DIP2A: variants seen among roughly 807,000 people sequenced by gnomAD.
DIP2A encodes the protein disco-interacting protein 2 homolog A.
Under a neutral mutation model 177.4 loss-of-function variants are expected in DIP2A, and 85 were observed. The observed-to-expected ratio is 0.48, with a 90% CI of 0.40 to 0.57. DIP2A has a LOEUF of 0.57. Among genes scored for constraint, DIP2A ranks in the 20% least tolerant of loss-of-function variants. DIP2A has a pLI of 0.00. For missense variants in DIP2A, 1,791 were observed against 2,100.2 expected, an observed-to-expected ratio of 0.85 and a Z score of 2.88; for synonymous variants, 886 against 881.8, an observed-to-expected ratio of 1.00 and a Z score of -0.08.
intron 7 of DIP2A, among the ~76,000 whole-genome samples, chr21:46,509,928 G>A (rs2058223695): frequency 6.6e-6 from 1 of 152,124 alleles, no homozygotes; most frequent in South Asian, 2.1e-4. Context: ...GCTGACAGCC[G>A]ACCAGCCCAG....
Position 46,557,454 on chromosome 21 carries a change from C to T in DIP2A, c.3630-131C>T, listed in dbSNP as rs537119623. 3.4e-6 allele frequency: 4 copies of T among 1,167,782 alleles called. No individual in the cohort carries two copies. The highest frequency in any genetic ancestry group is 3.1e-5 in the African/African-American group (2 of 64,986). The allele number at this position is 1,167,782 out of a possible 1,614,324, so 72.3% of individuals were successfully genotyped here. On this transcript the variant is annotated intron_variant, in intron 30 of 37. Transcript: ENST00000417564. The surrounding 1 kb of genome is among the most constrained non-coding windows in gnomAD (Gnocchi z 6.0). ...TGTGGCATGTTTTCCACCAAACCCC[C>T]CCACTTGGCGTCAGAACAGAAATCA...
At chr21:46,509,194 C>G in intron 6 of DIP2A, 63 bp from the exon 7 acceptor site, 3 of 1,532,740 alleles carry the variant, frequency 2.0e-6, no homozygotes, top group Non-Finnish European at 2.6e-6. Context: ...TTGGACCTTA[C>G]ACCTGTGTCC....
At chr21:46,572,531 A>G (rs186496540), downstream of DIP2A, among the ~76,000 whole-genome samples, 1 of 152,294 alleles carries the variant, frequency 6.6e-6, no homozygotes, top group African/African-American at 2.4e-5. Flanking sequence ...GGATTGATAG[A>G]TTAATGGATT....
At chr21:46,575,012 G>A (rs898836592), downstream of DIP2A, among the ~76,000 whole-genome samples, 1 of 152,086 alleles carries the variant, frequency 6.6e-6, no homozygotes, top group African/African-American at 2.4e-5. Flanking sequence ...TCTGAACATT[G>A]ATGTAAAAAT....
At chr21:46,536,483 TCACG>T (rs2059576444) in intron 13 of DIP2A, among the ~76,000 whole-genome samples, 1 of 152,224 alleles carries the variant, frequency 6.6e-6, no homozygotes, top group Admixed American at 6.5e-5. Context: ...AGATGCCGGA[TCACG>T]GCCTCTGGGT....
chr21:46,545,055 C>T, intron 18 of DIP2A, 82 bp from the exon 19 acceptor site: 1 of 1,397,520 alleles, frequency 7.2e-7, no homozygotes, highest in Non-Finnish European at 9.7e-7. Context: ...TCCATAACCG[C>T]ACATACAGCA....
chr21:46,544,815 C>T (rs919086954), intron 18 of DIP2A, among the ~76,000 whole-genome samples: 7 of 152,138 alleles, frequency 4.6e-5, no homozygotes, highest in Non-Finnish European at 8.8e-5. Flanking sequence ...CATGTGGACC[C>T]GAGAGGGCAG....
In DIP2A at chr21:46,509,265, G is replaced by A; in HGVS notation, c.793G>A (p.Val265Met). 1 of 1,612,968 alleles carries A rather than the reference G, an allele frequency of 6.2e-7. No individual in the cohort carries two copies. The highest frequency in any genetic ancestry group is 8.5e-7 in the Non-Finnish European group (1 of 1,179,486). The change falls in exon 7 of 38, where the codon GTG becomes ATG. Residue 265 changes from valine to methionine, a missense_variant. Physicochemically the swap from Val to Met is conservative, Grantham distance 21. Transcript: ENST00000417564. ...SMLETADGVP[V>M]NSRVSSKIQQ... The stretch of plus-strand genomic sequence containing the variant: ...TGTCCTTCCCGTGACAGGTGTCCCT[G>A]TGAACAGCAGAGTGTCCTCCAAAAT...
At chr21:46,499,782 T>G (rs1441340806) in intron 5 of DIP2A, among the ~76,000 whole-genome samples, 2 of 152,174 alleles carry the variant, frequency 1.3e-5, no homozygotes, top group African/African-American at 4.8e-5. Flanking sequence ...TGTTGAAGAC[T>G]CATCTTAATC....
At chr21:46,504,217 A>C in intron 5 of DIP2A, 144 bp from the exon 6 acceptor site, 1 of 1,198,706 alleles carries the variant, frequency 8.3e-7, no homozygotes, top group Non-Finnish European at 1.2e-6. Flanking sequence ...TTGGTCAGCC[A>C]AGAAAACAAA....
intron 8 of DIP2A, among the ~76,000 whole-genome samples, chr21:46,517,173 C>T (rs1354895838): frequency 1.3e-5 from 2 of 150,750 alleles, no homozygotes; most frequent in African/African-American, 2.4e-5. Flanking sequence ...GAGGTCCTCC[C>T]ACCACAGCCT....
rs147418001 is a variant in DIP2A, at chr21:46,564,117, C to G, written c.4164+185C>G. ...TGTAGGATTTTGGGGTACTGTGGGA[C>G]AAACTGCCTCATCCCTAGGTTGACC... On this transcript the variant is annotated intron_variant, in intron 35 of 37. Coordinates refer to ENST00000417564, the MANE Select transcript of DIP2A (RefSeq NM_015151.4). Among the ~76,000 whole-genome samples, 311 of 152,358 alleles carry G rather than the reference C, an allele frequency of 2.0e-3. 2 individuals carry two copies. Among genetic ancestry groups the G allele is most frequent in the Middle Eastern group, 6.8e-3 (2 of 294 alleles).
chr21:46,581,311 T>C, the DIP2A span, among the ~76,000 whole-genome samples: 9,288 of 152,278 alleles, frequency 0.061, 763 homozygotes, highest in African/African-American at 0.19. Flanking sequence ...TTTATGTTCC[T>C]CTGTAAACTG....
chr21:46,564,092 T>C (rs989046227), intron 35 of DIP2A, among the ~76,000 whole-genome samples, 160 bp downstream of exon 35: 4 of 152,322 alleles, frequency 2.6e-5, no homozygotes, highest in Non-Finnish European at 5.9e-5. Context: ...CCAGTTCCTA[T>C]GTAGGATTTT....
In DIP2A at chr21:46,504,346, G is replaced by C; in HGVS notation, c.656-15G>C. On this transcript the variant is annotated splice_polypyrimidine_tract_variant and intron_variant, in intron 5 of 37. Coordinates refer to ENST00000417564, the MANE Select transcript of DIP2A (RefSeq NM_015151.4). ...TAACAGCCACTTTCATTTTGGGTGT[G>C]TTTTTCAAAAGCAGATCTGCATTCT... The C allele has an allele frequency of 3.1e-6, 5 of 1,613,384 alleles. No homozygotes were observed. The highest frequency in any genetic ancestry group is 4.2e-6 in the Non-Finnish European group (5 of 1,179,610).
chr21:46,531,481 C>T (rs2059354227), intron 9 of DIP2A, among the ~76,000 whole-genome samples: 1 of 152,160 alleles, frequency 6.6e-6, no homozygotes, highest in South Asian at 2.1e-4. Context: ...ATGTTGTGCT[C>T]ATAGATGAGA....
At chr21:46,561,572 C>A in intron 33 of DIP2A, 176 bp from the exon 34 acceptor site, 1 of 822,372 alleles carries the variant, frequency 1.2e-6, no homozygotes, top group Non-Finnish European at 2.0e-6. Flanking sequence ...CACTTGGGAC[C>A]GCAGCGTGGT....
the DIP2A span, among the ~76,000 whole-genome samples, chr21:46,580,148 A>G: frequency 6.6e-6 from 1 of 152,152 alleles, no homozygotes; most frequent in East Asian, 1.9e-4. Context: ...TTGGCTGCGT[A>G]TATATTTAGG....
At chr21:46,504,597 C>T in intron 6 of DIP2A, 108 bp downstream of exon 6, 1 of 1,328,006 alleles carries the variant, frequency 7.5e-7, no homozygotes, top group East Asian at 2.5e-5. Flanking sequence ...AGCCAAACGT[C>T]AGTTTTAATC....
Sources: gnomAD v4.1 joint callset for allele counts (sites outside exome capture counted in the v4.1 genomes callset) on GRCh38, gnomAD v4.1.1 for gene constraint, Gnocchi (gnomAD v3.1) non-coding constraint, MANE v1.5 for transcripts, NCBI Gene and HGNC (gene_info 2026-07-23, HGNC 2026-07-21) for gene names.